GAB1: variants seen among roughly 807,000 people sequenced by gnomAD.
The protein encoded by GAB1 is GRB2-associated-binding protein 1.
Under a neutral mutation model 66.5 loss-of-function variants are expected in GAB1, and 19 were observed. The observed-to-expected ratio is 0.29, with a 90% confidence interval of 0.20 to 0.42. The LOEUF (loss-of-function observed/expected upper bound fraction) is 0.42, where lower values mean the gene tolerates loss of function less well. GAB1 is among the 10% of genes least tolerant of loss of function. The pLI, the probability that GAB1 is intolerant of heterozygous loss-of-function variation, is 1.00. For missense variants in GAB1, 732 were observed against 858.5 expected (o/e 0.85, Z 1.84); for synonymous variants, 294 against 301.4 (o/e 0.98, Z 0.25).
chr4:143,425,473 C>G, intron 2 of GAB1: 1 of 760,842 alleles, frequency 1.3e-6, no homozygotes, highest in South Asian at 1.3e-5. Flanking sequence ...GTTAACCTAC[C>G]TACCATTGCT....
chr4:143,374,462 A>G (rs554726090), intron 1 of GAB1, among the ~76,000 whole-genome samples: 1 of 152,342 alleles, frequency 6.6e-6, no homozygotes, highest in African/African-American at 2.4e-5. Flanking sequence ...GGAATCTTAT[A>G]CTTTAGATTC....
chr4:143,460,122 G>A (rs912488185), intron 7 of GAB1, among the ~76,000 whole-genome samples: 2 of 152,028 alleles, frequency 1.3e-5, no homozygotes, highest in African/African-American at 4.8e-5. Flanking sequence ...GTCACTGGCA[G>A]TGGTTTTTTT....
At chr4:143,357,267 A>G (rs983261131) in intron 1 of GAB1, among the ~76,000 whole-genome samples, 1 of 152,160 alleles carries the variant, frequency 6.6e-6, no homozygotes, top group African/African-American at 2.4e-5. Flanking sequence ...TATATAGTAT[A>G]GACATTGTTT....
At chr4:143,359,294 A>G (rs1227973287) in intron 1 of GAB1, among the ~76,000 whole-genome samples, 1 of 152,184 alleles carries the variant, frequency 6.6e-6, no homozygotes, top group Non-Finnish European at 1.5e-5. Flanking sequence ...CTGATACTGA[A>G]AATGTTTGAT....
At chr4:143,411,918 C>T (rs1453508149) in intron 1 of GAB1, among the ~76,000 whole-genome samples, 1 of 152,168 alleles carries the variant, frequency 6.6e-6, no homozygotes, top group African/African-American at 2.4e-5. Flanking sequence ...GACAAACATT[C>T]ACATTTGGAC....
intron 6 of GAB1, among the ~76,000 whole-genome samples, chr4:143,444,940 C>G (rs112651364): frequency 0.012 from 1,788 of 152,208 alleles, 27 homozygotes; most frequent in African/African-American, 0.041. Flanking sequence ...TGATTTCATT[C>G]TTTTTATGGC....
chr4:143,343,647 T>A (rs1270399810), intron 1 of GAB1: 1 of 154,836 alleles, frequency 6.5e-6, no homozygotes, highest in Non-Finnish European at 1.5e-5. Flanking sequence ...ATATGATTAG[T>A]TGCCAAATGA....
rs1736067419 is a variant in GAB1 at position 143,471,244 on chromosome 4, C to T, written c.*2055C>T. On this transcript the variant is annotated 3_prime_UTR_variant, in exon 10 of 10. Coordinates refer to ENST00000262994, the MANE Select transcript of GAB1 (RefSeq NM_002039.4). ...CTTATCATTAACTTTTTACAAGTCA[C>T]CATATTTGAAGATCTGTAGCACTCT... 6.6e-6 allele frequency: 1 copy of T among 152,080 alleles called. No individual in the cohort carries two copies. Among genetic ancestry groups the T allele is most frequent in the Non-Finnish European group, 1.5e-5 (1 of 67,998 alleles). 9.4% of individuals were successfully genotyped at this position (152,080 alleles called of 1,614,324 possible).
chr4:143,427,793 GAAAGGGGTACAGACT>G (rs1256504851), intron 2 of GAB1, among the ~76,000 whole-genome samples: 2 of 152,180 alleles, frequency 1.3e-5, no homozygotes, highest in Non-Finnish European at 2.9e-5. Flanking sequence ...GAATGCATTT[GAAAGGGGTACAGACT>G]AAAGGTGAAT....
chr4:143,416,987 C>T (rs1201750138), intron 2 of GAB1, among the ~76,000 whole-genome samples: 1 of 152,044 alleles, frequency 6.6e-6, no homozygotes, highest in East Asian at 1.9e-4. Context: ...GAGAATCAGT[C>T]ACAAAACACA....
chr4:143,440,907 C>G (rs1430207112), intron 6 of GAB1, among the ~76,000 whole-genome samples: 1 of 152,226 alleles, frequency 6.6e-6, no homozygotes, highest in Non-Finnish European at 1.5e-5. Context: ...TGGCCTTCAG[C>G]TGCTATTTAG....
At chr4:143,410,141 T>C (rs1490976526) in intron 1 of GAB1, among the ~76,000 whole-genome samples, 2 of 152,070 alleles carry the variant, frequency 1.3e-5, no homozygotes, top group Non-Finnish European at 2.9e-5. Flanking sequence ...TTCTCTGATC[T>C]TCTCTCTTGC....
intron 1 of GAB1, among the ~76,000 whole-genome samples, chr4:143,379,242 TCAGGAAA>T (rs1730555707): frequency 6.6e-6 from 1 of 152,300 alleles, no homozygotes; most frequent in South Asian, 2.1e-4. Context: ...TGTATAAAAT[TCAGGAAA>T]CAGGCAGAGC....
chr4:143,364,229 C>G (rs1310458001), intron 1 of GAB1, among the ~76,000 whole-genome samples: 1 of 151,368 alleles, frequency 6.6e-6, no homozygotes, highest in Non-Finnish European at 1.5e-5. Flanking sequence ...TTCATTCTCT[C>G]TGTCTGTTAT....
intron 2 of GAB1, among the ~76,000 whole-genome samples, chr4:143,416,783 T>A (rs991656927): frequency 3.3e-5 from 5 of 152,012 alleles, no homozygotes; most frequent in African/African-American, 9.7e-5. Flanking sequence ...CAAAAAACTA[T>A]ATTAGATTAT....
chr4:143,459,592 C>T (rs1735377945), intron 7 of GAB1, 114 bp downstream of exon 7: 1 of 721,088 alleles, frequency 1.4e-6, no homozygotes, highest in Non-Finnish European at 2.5e-6. Flanking sequence ...TCTGAAGAGC[C>T]CCCTTTTTGG....
intron 1 of GAB1, chr4:143,380,488 A>G (rs998397881): frequency 1.4e-5 from 2 of 146,860 alleles, no homozygotes; most frequent in African/African-American, 5.1e-5. Context: ...TTCTGCCTCA[A>G]ATAAAATATA....
At chr4:143,337,797 G>A (rs1381947202) in intron 1 of GAB1, among the ~76,000 whole-genome samples, 1 of 152,150 alleles carries the variant, frequency 6.6e-6, no homozygotes, top group Non-Finnish European at 1.5e-5. Context: ...CATATCGAAC[G>A]CGCGCAAAAG....
chr4:143,395,615 C>A, intron 1 of GAB1: 1 of 270,134 alleles, frequency 3.7e-6, no homozygotes, highest in South Asian at 3.3e-5. Context: ...AAATTAAAGA[C>A]CTTTAGTTGT....
Sources: allele counts gnomAD v4.1 joint callset (sites outside exome capture counted in the v4.1 genomes callset), GRCh38; gene constraint gnomAD v4.1.1; transcripts MANE v1.5; gene names NCBI Gene and HGNC (gene_info 2026-07-23, HGNC 2026-07-21).